The following WNT2B variants were observed in gnomAD, a reference collection of about 807,000 sequenced individuals.
WNT2B encodes the protein Wnt family member 2B.
In WNT2B, 19 loss-of-function variants were observed where a neutral mutation model predicts 40.5. The observed-to-expected ratio is 0.47, with a 90% CI of 0.33 to 0.69. The LOEUF (loss-of-function observed/expected upper bound fraction) is 0.69. Ranked by LOEUF, WNT2B falls within the 30% of genes least tolerant of loss-of-function variation. The pLI, the probability that WNT2B is intolerant of heterozygous loss-of-function variation, is 0.02. For synonymous variants in WNT2B, 220 were observed against 211.9 expected (o/e 1.04, Z -0.33); for missense variants, 467 against 556.4 (o/e 0.84, Z 1.62).
At chr1:112,473,841 G>A (rs1355676261) in intron 1 of WNT2B, among the ~76,000 whole-genome samples, 2 of 151,494 alleles carry the variant, frequency 1.3e-5, no homozygotes, top group Non-Finnish European at 2.9e-5. Flanking sequence ...TGGATCATGA[G>A]GTCAGGAGAT....
rs142543827 is a variant in WNT2B, at chr1:112,468,840, T to G, written c.-95+1249T>G. ...CCTATTTGTCTATTTTTCGTTTTGT[T>G]GCCTGTGCTTTTGAGGTCTTGGCCA... On this transcript the variant is annotated intron_variant, in intron 1 of 4. Transcript: ENST00000256640. Among the ~76,000 whole-genome samples the G allele has an allele frequency of 2.1e-3, 321 of 152,322 alleles. 1 individual carries two copies. The highest frequency in any genetic ancestry group is 7.2e-3 in the African/African-American group (299 of 41,578).
chr1:112,515,157 A>G lies in WNT2B; in HGVS notation c.403+63A>G. 1 of 1,536,424 alleles carries G rather than the reference A, an allele frequency of 6.5e-7. No homozygotes were observed. The highest frequency in any genetic ancestry group is 1.9e-5 in the Admixed American group (1 of 53,316). On this transcript the variant is annotated intron_variant, in intron 2 of 4. Transcript: ENST00000369684. This position sits in a 1 kb window ranked among gnomAD's most constrained non-coding sequence, Gnocchi z 4.4. ...TTCTGTGCTGGGGGTGGTGAGTGGG[A>G]AGAGTAGGCAAGATCTCCCCTCTCC...
intron 1 of WNT2B, among the ~76,000 whole-genome samples, chr1:112,484,324 A>G (rs1179751582): frequency 7.0e-6 from 1 of 141,978 alleles, no homozygotes; most frequent in African/African-American, 2.7e-5. Flanking sequence ...GAGAGAGAGA[A>G]GAGGGTCTCA....
chr1:112,485,183 G>A lies in WNT2B; in HGVS notation c.-95+17592G>A, dbSNP rs919562989. ...ATAAAGTTATAGTCGTCAGGCCTGG[G>A]GGCATGATGGCTCATGCCTGTAATC... On this transcript the variant is annotated intron_variant, in intron 1 of 4. Coordinates refer to the WNT2B transcript ENST00000256640. Among the ~76,000 whole-genome samples, 8 of 152,270 alleles carry A rather than the reference G, an allele frequency of 5.3e-5. No homozygotes were observed. The East Asian group carries it at 1.3e-3, about 26-fold the overall frequency.
At chr1:112,482,844 T>C (rs1354553679) in intron 1 of WNT2B, among the ~76,000 whole-genome samples, 1 of 152,138 alleles carries the variant, frequency 6.6e-6, no homozygotes, top group Non-Finnish European at 1.5e-5. Flanking sequence ...GAAAAAATAT[T>C]GGTAAAATGT....
chr1:112,480,454 CAACAAACAGG>C (rs922360454), intron 1 of WNT2B, among the ~76,000 whole-genome samples: 2 of 151,074 alleles, frequency 1.3e-5, no homozygotes, highest in Non-Finnish European at 1.5e-5. Flanking sequence ...AATTACATGC[CAACAAACAGG>C]AACAAACAGG....
intron 1 of WNT2B, among the ~76,000 whole-genome samples, chr1:112,484,248 T>C (rs1651333124): frequency 1.5e-5 from 2 of 133,928 alleles, no homozygotes; most frequent in Non-Finnish European, 1.6e-5. Flanking sequence ...TATATACACA[T>C]ATATATACAC....
upstream of WNT2B, among the ~76,000 whole-genome samples, chr1:112,507,550 G>A (rs1652150861): frequency 6.6e-6 from 1 of 152,138 alleles, no homozygotes. Context: ...CGGAGGCGGT[G>A]GGGAGAGAGG....
chr1:112,477,619 G>A (rs1034229508), intron 1 of WNT2B, among the ~76,000 whole-genome samples: 1 of 152,148 alleles, frequency 6.6e-6, no homozygotes, highest in Non-Finnish European at 1.5e-5. Flanking sequence ...AGAAGACACT[G>A]GGAATTCAGT....
intron 1 of WNT2B, among the ~76,000 whole-genome samples, chr1:112,474,384 G>A (rs977826530): frequency 6.6e-6 from 1 of 152,070 alleles, no homozygotes; most frequent in African/African-American, 2.4e-5. Flanking sequence ...TCCTGACCTC[G>A]TGATCTGCCT....
In WNT2B at chr1:112,516,192, C is replaced by A. The variant is rs137855546; in HGVS notation, c.456C>A (p.His152Gln). The A allele has an allele frequency of 6.2e-6, 10 of 1,614,012 alleles. No individual in the cohort carries two copies. The highest frequency in any genetic ancestry group is 8.5e-6 in the Non-Finnish European group (10 of 1,180,016). The change falls in exon 3 of 5, where the codon CAC (histidine) becomes CAA (glutamine). Residue 152 changes from histidine to glutamine, a missense_variant. Physicochemically the swap from His to Gln is conservative, Grantham distance 24 (BLOSUM62 0). This residue lies in a region of WNT2B where 330 missense variants were observed against 438.6 expected (regional missense o/e 0.75). Transcript: ENST00000369684. ...VYAISSAGVVHAITRACSQGE... is the reference protein window; with the variant it reads ...VYAISSAGVVQAITRACSQGE... ...CCATCTCATCAGCAGGGGTAGTCCA[C>A]GCTATTACTCGCGCCTGTAGCCAGG...
At chr1:112,468,676 T>C (rs1041092460) in intron 1 of WNT2B, among the ~76,000 whole-genome samples, 6 of 152,086 alleles carry the variant, frequency 3.9e-5, no homozygotes, top group Non-Finnish European at 8.8e-5. Context: ...TGTTTAGTTG[T>C]TTGAGTTCCT....
chr1:112,469,906 A>G (rs1199761091), intron 1 of WNT2B, among the ~76,000 whole-genome samples: 1 of 152,126 alleles, frequency 6.6e-6, no homozygotes, highest in Non-Finnish European at 1.5e-5. Flanking sequence ...GAGTCGCCGT[A>G]CCCGGCCTAT....
rs1033212603 is a variant in WNT2B, at chr1:112,509,020, G to A, written c.-243G>A. 26 of 1,349,100 alleles carry A rather than the reference G, an allele frequency of 1.9e-5. No individual in the cohort carries two copies. The African/African-American group carries it at 3.5e-4, about 18-fold the overall frequency. 83.6% of individuals were successfully genotyped at this position (1,349,100 alleles called of 1,614,324 possible). A position where few individuals can be genotyped will look rare whatever the true frequency, so the allele number is the denominator to read the frequency against. ...CGCAGACCCCCTGACACCGCACCCGGTCCTCAGGCAGCGCGCCCCAGACCC... is the reference window on the plus strand; with the variant it reads ...CGCAGACCCCCTGACACCGCACCCGATCCTCAGGCAGCGCGCCCCAGACCC... On this transcript the variant is annotated 5_prime_UTR_variant, in exon 1 of 5. Transcript: ENST00000369684. The surrounding 1 kb of genome is among the most constrained non-coding windows in gnomAD (Gnocchi z 4.2).
At chr1:112,477,514 A>G (rs1651087933) in intron 1 of WNT2B, among the ~76,000 whole-genome samples, 1 of 152,234 alleles carries the variant, frequency 6.6e-6, no homozygotes, top group South Asian at 2.1e-4. Context: ...AAGGAACACA[A>G]TAATTTTTCA....
upstream of WNT2B, among the ~76,000 whole-genome samples, chr1:112,508,146 C>A (rs1387009533): frequency 1.3e-5 from 2 of 151,928 alleles, no homozygotes; most frequent in African/African-American, 4.8e-5. The surrounding 1 kb of genome is among the most constrained non-coding windows in gnomAD (Gnocchi z 4.2). Flanking sequence ...GCCTCTGGTG[C>A]GGGAAAACCT....
chr1:112,507,200 C>A (rs1398911055), upstream of WNT2B, among the ~76,000 whole-genome samples: 1 of 152,108 alleles, frequency 6.6e-6, no homozygotes, highest in Non-Finnish European at 1.5e-5. Context: ...TGTAACCATC[C>A]CCTTGACTGT....
intron 1 of WNT2B, among the ~76,000 whole-genome samples, chr1:112,502,038 A>G (rs1651970682): frequency 6.6e-6 from 1 of 152,256 alleles, no homozygotes; most frequent in South Asian, 2.1e-4. Context: ...CGAGTCGGAA[A>G]GCGCCCGGAA....
rs114327304 is a variant in WNT2B at position 112,513,786 on chromosome 1, A to G, written c.183-1088A>G. Reference sequence around the variant, plus strand: ...TTTGATGCGTTCTGGACAGGAGAATAAAAAGTTCCCAGCAAATCAAGGAAG... The same window carrying G: ...TTTGATGCGTTCTGGACAGGAGAATGAAAAGTTCCCAGCAAATCAAGGAAG... On this transcript the variant is annotated intron_variant, in intron 1 of 4. Coordinates refer to ENST00000369684, the MANE Select transcript of WNT2B (RefSeq NM_024494.3). Among the ~76,000 whole-genome samples, 1,190 of 152,312 alleles carry G rather than the reference A, an allele frequency of 7.8e-3. 8 individuals carry two copies. Among genetic ancestry groups the G allele is most frequent in the Non-Finnish European group, 0.014 (921 of 68,020 alleles).
Sources: gnomAD v4.1 joint callset for allele counts (sites outside exome capture counted in the v4.1 genomes callset) on GRCh38, gnomAD v4.1.1 for gene constraint, gnomAD v4.1.1 regional missense constraint, Gnocchi (gnomAD v3.1) non-coding constraint, MANE v1.5 for transcripts, NCBI Gene and HGNC (gene_info 2026-07-23, HGNC 2026-07-21) for gene names.